KMT2C: variants seen among roughly 807,000 people sequenced by gnomAD.
The protein encoded by KMT2C is lysine methyltransferase 2C, also known as histone-lysine N-methyltransferase 2C.
Under a neutral mutation model 507.9 loss-of-function variants are expected in KMT2C, and 88 were observed. The ratio of observed to expected loss-of-function variants is 0.17; its 90% CI spans 0.15 to 0.21. KMT2C has a LOEUF of 0.21. KMT2C is among the 10% of genes least tolerant of loss of function. KMT2C has a pLI of 1.00. For missense variants in KMT2C, 4,954 were observed against 5,957.8 expected, an observed-to-expected ratio of 0.83 and a Z score of 5.55; for synonymous variants, 2,049 against 2,080.8, an observed-to-expected ratio of 0.98 and a Z score of 0.42.
chr7:152,230,362 TCAC>T, intron 16 of KMT2C, 41 bp from the exon 17 acceptor site: 3 of 908,432 alleles, frequency 3.3e-6, no homozygotes, highest in Middle Eastern at 3.4e-4. Flanking sequence ...GTTATATTTT[TCAC>T]TTGTTTTACA....
intron 13 of KMT2C, 92 bp downstream of exon 13, chr7:152,249,784 G>T: frequency 2.1e-6 from 1 of 484,110 alleles, no homozygotes; most frequent in Non-Finnish European, 3.9e-6. Flanking sequence ...TTACCGTAAT[G>T]TATATACATA....
chr7:152,424,412 G>A (rs2097797548), intron 1 of KMT2C, among the ~76,000 whole-genome samples: 1 of 152,018 alleles, frequency 6.6e-6, no homozygotes, highest in South Asian at 2.1e-4. Context: ...TGGTTCCTCT[G>A]TTAATCTTTT....
chr7:152,187,481 G>T lies in KMT2C; in HGVS notation c.4794-5C>A. The stretch of plus-strand genomic sequence containing the variant: ...TTAAAGGCTGAATTTTTATCCCTGG[G>T]AAAAAATAAATATCTTTACTTTATG... On this transcript the variant is annotated splice_region_variant and splice_polypyrimidine_tract_variant and intron_variant, in intron 32 of 58. Coordinates refer to ENST00000262189, the MANE Select transcript of KMT2C (RefSeq NM_170606.3). The T allele has an allele frequency of 6.2e-7, 1 of 1,604,836 alleles. No homozygotes were observed. The highest frequency in any genetic ancestry group is 8.5e-7 in the Non-Finnish European group (1 of 1,172,838).
chr7:152,342,682 T>C (rs1369628556), intron 2 of KMT2C, among the ~76,000 whole-genome samples: 1 of 152,178 alleles, frequency 6.6e-6, no homozygotes, highest in Non-Finnish European at 1.5e-5. Context: ...AGATACAAAC[T>C]ACAGAGGGAC....
At chr7:152,433,074 C>G (rs779324516) in intron 1 of KMT2C, among the ~76,000 whole-genome samples, 1 of 150,834 alleles carries the variant, frequency 6.6e-6, no homozygotes, top group Non-Finnish European at 1.5e-5. Context: ...CTTGAATACA[C>G]GAGGCAGAGG....
intron 2 of KMT2C, among the ~76,000 whole-genome samples, chr7:152,351,675 G>C (rs2097111857): frequency 1.3e-5 from 2 of 152,198 alleles, no homozygotes; most frequent in South Asian, 2.1e-4. Flanking sequence ...ACATTTATTA[G>C]AGCCCCAAAA....
Position 152,136,340 on chromosome 7 carries a change from T to C in KMT2C, c.*492A>G, listed in dbSNP as rs886406220. On this transcript the variant is annotated 3_prime_UTR_variant, in exon 59 of 59. Transcript: ENST00000262189. ...GTGGTGTCTACTTTATTTAAAAACATTTTGAAGTTAGAGGGCCTGCCCCTT... is the reference window on the plus strand; with the variant it reads ...GTGGTGTCTACTTTATTTAAAAACACTTTGAAGTTAGAGGGCCTGCCCCTT... 1.1e-4 allele frequency: 24 copies of C among 219,614 alleles called. No homozygotes were observed. Among genetic ancestry groups the C allele is most frequent in the African/African-American group, 4.9e-4 (22 of 44,466 alleles). 13.6% of individuals were successfully genotyped at this position (219,614 alleles called of 1,614,324 possible).
At chr7:152,379,885 C>T (rs571365273) in intron 1 of KMT2C, among the ~76,000 whole-genome samples, 18 of 151,580 alleles carry the variant, frequency 1.2e-4, no homozygotes, top group African/African-American at 4.4e-4. Flanking sequence ...CACTTGAGCC[C>T]ATGGGTTCGA....
intron 53 of KMT2C, among the ~76,000 whole-genome samples, chr7:152,145,829 TAACTC>T (rs766812420): frequency 6.6e-6 from 1 of 152,214 alleles, no homozygotes; most frequent in Non-Finnish European, 1.5e-5. Flanking sequence ...GCATAGGTGT[TAACTC>T]AAGCTTTACT....
rs1346153969 is a variant in KMT2C, at chr7:152,390,965, T to C, written c.162-32290A>G. On this transcript the variant is annotated intron_variant, in intron 1 of 58. Coordinates refer to ENST00000262189, the MANE Select transcript of KMT2C (RefSeq NM_170606.3). Reference sequence around the variant, plus strand: ...TTCAAGACCAGCCTGGCTAAGATGGTGAAACCCCGTCTCTACTAAAACTAC... The same window carrying C: ...TTCAAGACCAGCCTGGCTAAGATGGCGAAACCCCGTCTCTACTAAAACTAC... Among the ~76,000 whole-genome samples the C allele has an allele frequency of 4.0e-5, 6 of 151,778 alleles. No homozygotes were observed. In the South Asian group the frequency reaches 1.0e-3, roughly 26 times the overall value.
In KMT2C at chr7:152,252,818, C is replaced by T. The variant is rs193099163; in HGVS notation, c.1300-103G>A. ...AGTCATGAATCATTTGTGGATTATA[C>T]ATTAAGCTTTTATTTTCATGACACT... On this transcript the variant is annotated intron_variant, in intron 9 of 58. Transcript: ENST00000262189. The T allele has an allele frequency of 5.9e-5, 47 of 799,732 alleles. No homozygotes were observed. In the African/African-American group the frequency reaches 7.0e-4, roughly 12 times the overall value. 49.5% of individuals were successfully genotyped at this position (799,732 alleles called of 1,614,324 possible).
At chr7:152,167,921 A>T (rs2092804142) in intron 41 of KMT2C, among the ~76,000 whole-genome samples, 3 of 152,228 alleles carry the variant, frequency 2.0e-5, no homozygotes, top group Admixed American at 1.3e-4. Context: ...AATAATTTAA[A>T]GTCTATGACT....
chr7:152,250,887 G>A lies in KMT2C; in HGVS notation c.1701C>T (p.Asn567=), dbSNP rs371468635. 67 of 1,607,032 alleles carry A rather than the reference G, an allele frequency of 4.2e-5. 1 individual carries two copies. In the South Asian group the frequency reaches 5.5e-4, roughly 13 times the overall value. ...FSEQAANKDV[N]GQESTPGIVP... is the part of the protein sequence containing the mutation. ...CAATTCCAGGAGTGGACTCCTGACC[G>A]TTGACATCTTTATTAGCTGCCTGCT... Residue 567 remains asparagine, a synonymous_variant, in exon 12 of 59, where the codon AAC becomes AAT. Transcript: ENST00000262189.
chr7:152,229,608 C>G (rs543707704), intron 18 of KMT2C, among the ~76,000 whole-genome samples: 1 of 152,198 alleles, frequency 6.6e-6, no homozygotes, highest in East Asian at 1.9e-4. Context: ...CAGTTCTCAG[C>G]TTTTTAAATC....
At chr7:152,271,449 A>C (rs1225186671) in intron 7 of KMT2C, among the ~76,000 whole-genome samples, 1 of 152,060 alleles carries the variant, frequency 6.6e-6, no homozygotes, top group African/African-American at 2.4e-5. Context: ...TGAGACGGGC[A>C]GATCACGAGG....
intron 8 of KMT2C, among the ~76,000 whole-genome samples, chr7:152,264,176 AT>A (rs1263499079): frequency 6.6e-6 from 1 of 152,232 alleles, no homozygotes; most frequent in African/African-American, 2.4e-5. Flanking sequence ...TTTTACCAAA[AT>A]ATGGAGGTAC....
chr7:152,185,100 T>TAACAC (rs879803612), intron 34 of KMT2C, among the ~76,000 whole-genome samples: 27 of 152,314 alleles, frequency 1.8e-4, no homozygotes, highest in South Asian at 4.1e-4. Context: ...TTGTAATACT[T>TAACAC]AACACAATAT....
At chr7:152,355,924 AC>A (rs1699551598) in intron 2 of KMT2C, among the ~76,000 whole-genome samples, 1 of 151,950 alleles carries the variant, frequency 6.6e-6, no homozygotes, top group South Asian at 2.1e-4. Flanking sequence ...ATTCTGCAGC[AC>A]CCCCCTTATG....
chr7:152,328,105 C>A (rs2096847431), intron 3 of KMT2C, among the ~76,000 whole-genome samples: 1 of 152,148 alleles, frequency 6.6e-6, no homozygotes, highest in East Asian at 1.9e-4. Flanking sequence ...GTCAAATGAA[C>A]TGTTGGAAAA....
Sources: gnomAD v4.1 joint callset for allele counts (sites outside exome capture counted in the v4.1 genomes callset) on GRCh38, gnomAD v4.1.1 for gene constraint, MANE v1.5 for transcripts, NCBI Gene and HGNC (gene_info 2026-07-23, HGNC 2026-07-21) for gene names.